The following RBPJ variants were observed in gnomAD, a reference collection of about 807,000 sequenced individuals.
RBPJ encodes recombination signal binding protein for immunoglobulin kappa J region, also known as recombining binding protein suppressor of hairless.
RBPJ carries 9 observed loss-of-function variants against 67.8 expected under a neutral mutation model. That is an observed-to-expected ratio of 0.13 (90% CI 0.08 to 0.23). RBPJ has a LOEUF of 0.23. RBPJ is among the 10% of genes least tolerant of loss of function. The pLI is 1.00. For missense variants in RBPJ, 305 were observed against 595.6 expected, an observed-to-expected ratio of 0.51 and a Z score of 5.08; for synonymous variants, 198 against 203.3, an observed-to-expected ratio of 0.97 and a Z score of 0.22.
intron 2 of RBPJ, among the ~76,000 whole-genome samples, chr4:26,404,323 T>G (rs1266448755): frequency 1.3e-5 from 2 of 152,244 alleles, no homozygotes; most frequent in Non-Finnish European, 2.9e-5. Context: ...CCTCCCATTC[T>G]GTAGGTTGTC....
chr4:26,179,484 G>A (rs1030209188), intron 1 of RBPJ, among the ~76,000 whole-genome samples: 2 of 151,726 alleles, frequency 1.3e-5, no homozygotes, highest in Non-Finnish European at 2.9e-5. Flanking sequence ...GTGAACTGTC[G>A]CAAATGAGTC....
At chr4:26,197,899 G>C (rs986564502) in intron 1 of RBPJ, among the ~76,000 whole-genome samples, 3 of 152,196 alleles carry the variant, frequency 2.0e-5, no homozygotes, top group Admixed American at 6.5e-5. Context: ...CCCATTTTCA[G>C]ACAGGTTCTG....
intron 1 of RBPJ, among the ~76,000 whole-genome samples, chr4:26,297,509 A>T (rs1400048274): frequency 2.0e-5 from 3 of 151,998 alleles, no homozygotes; most frequent in African/African-American, 4.8e-5. Flanking sequence ...TCCACGTGTT[A>T]TTGTGTTTCT....
chr4:26,213,353 A>G (rs1030847321), intron 1 of RBPJ, among the ~76,000 whole-genome samples: 2 of 152,216 alleles, frequency 1.3e-5, no homozygotes, highest in Admixed American at 1.3e-4. Flanking sequence ...GTTCATTGTT[A>G]TAATTCAAGG....
At chr4:26,118,790 A>C in the RBPJ span, among the ~76,000 whole-genome samples, 1 of 152,206 alleles carries the variant, frequency 6.6e-6, no homozygotes, top group Non-Finnish European at 1.5e-5. Context: ...CTAAACTTCC[A>C]ACTCCCAAGA....
At chr4:26,110,820 C>T in the RBPJ span, among the ~76,000 whole-genome samples, 1 of 152,166 alleles carries the variant, frequency 6.6e-6, no homozygotes, top group African/African-American at 2.4e-5. The surrounding 1 kb of genome is among the most constrained non-coding windows in gnomAD (Gnocchi z 4.5). Flanking sequence ...AGGTGCCGCT[C>T]AGCCCTGGAG....
At chr4:26,185,648 G>C (rs533168706) in intron 1 of RBPJ, among the ~76,000 whole-genome samples, 4 of 152,192 alleles carry the variant, frequency 2.6e-5, no homozygotes, top group Non-Finnish European at 5.9e-5. Context: ...GTGAAAGCCA[G>C]TGTCATTAAC....
At chr4:26,226,105 T>A (rs1391727998) in intron 1 of RBPJ, among the ~76,000 whole-genome samples, 1 of 145,626 alleles carries the variant, frequency 6.9e-6, no homozygotes, top group Non-Finnish European at 1.5e-5. Context: ...GCCAAGATCA[T>A]GCAATTGCAC....
Position 26,328,751 on chromosome 4 carries a change from C to T in RBPJ, c.20+7703C>T, listed in dbSNP as rs144744481. Among the ~76,000 whole-genome samples, 926 of 152,260 alleles carry T rather than the reference C, an allele frequency of 6.1e-3. 13 individuals are homozygous for T. The highest frequency in any genetic ancestry group is 0.021 in the African/African-American group (886 of 41,542). On this transcript the variant is annotated intron_variant, in intron 1 of 10. Coordinates refer to ENST00000355476, the MANE Select transcript of RBPJ (RefSeq NM_015874.6). ...TCAAGGGATCCTCCTGCCTCACCCT[C>T]CCCAGTTGCTAGGACTATAGGTGTG...
At chr4:26,258,729 A>G (rs917995273) in intron 1 of RBPJ, among the ~76,000 whole-genome samples, 7 of 152,210 alleles carry the variant, frequency 4.6e-5, no homozygotes, top group Middle Eastern at 3.2e-3. Flanking sequence ...ATTTAACCCT[A>G]TCGATGCAGT....
upstream of RBPJ, among the ~76,000 whole-genome samples, chr4:26,316,499 T>TCA (rs1491443418): frequency 1.0e-4 from 8 of 76,904 alleles, no homozygotes; most frequent in Non-Finnish European, 2.4e-4. Flanking sequence ...ATATATATAT[T>TCA]CATATATATT....
At chr4:26,332,722 C>T (rs547617761) in intron 1 of RBPJ, among the ~76,000 whole-genome samples, 2 of 152,290 alleles carry the variant, frequency 1.3e-5, no homozygotes, top group African/African-American at 2.4e-5. Flanking sequence ...GCCATCATAT[C>T]CCACTGAAGC....
rs1397966498 is a variant in RBPJ at position 26,264,135 on chromosome 4, A to C, written c.-166-98311A>C. On this transcript the variant is annotated intron_variant, in intron 1 of 4. Transcript: ENST00000512351. This position sits in a 1 kb window ranked among gnomAD's most constrained non-coding sequence, Gnocchi z 4.1. ...TCGACTCAGGTGATCCACCCAACTCAACCTCCCAAAGTGCTGGGATTACAG... is the reference window on the plus strand; with the variant it reads ...TCGACTCAGGTGATCCACCCAACTCCACCTCCCAAAGTGCTGGGATTACAG... Among the ~76,000 whole-genome samples the C allele has an allele frequency of 1.3e-5, 2 of 151,730 alleles. No homozygotes were observed. Among genetic ancestry groups the C allele is most frequent in the African/African-American group, 4.9e-5 (2 of 41,222 alleles).
intron 1 of RBPJ, among the ~76,000 whole-genome samples, chr4:26,369,681 G>T (rs1728965225): frequency 6.6e-6 from 1 of 152,160 alleles, no homozygotes; most frequent in Non-Finnish European, 1.5e-5. Context: ...GGGCTGACCA[G>T]ATTTGGTTTG....
chr4:26,320,049 G>C (rs1385676035), upstream of RBPJ, among the ~76,000 whole-genome samples: 3 of 152,228 alleles, frequency 2.0e-5, no homozygotes, highest in Admixed American at 6.5e-5. Context: ...CCGGTTCCCT[G>C]TGCAGTAGTG....
At chr4:26,153,919 G>A in the RBPJ span, among the ~76,000 whole-genome samples, 2 of 152,130 alleles carry the variant, frequency 1.3e-5, no homozygotes, top group Admixed American at 1.3e-4. Flanking sequence ...CTGCACTCCA[G>A]CCCCGGTGAC....
intron 1 of RBPJ, among the ~76,000 whole-genome samples, chr4:26,329,184 G>A (rs1723972201): frequency 6.6e-6 from 1 of 152,092 alleles, no homozygotes; most frequent in Non-Finnish European, 1.5e-5. Context: ...GTAGAGACGG[G>A]GTTTCTCCAT....
chr4:26,369,051 C>T (rs796804825), intron 1 of RBPJ, among the ~76,000 whole-genome samples: 55 of 152,252 alleles, frequency 3.6e-4, no homozygotes, highest in African/African-American at 1.3e-3. Context: ...ACTCCATCCC[C>T]TGGGACAGTG....
chr4:26,274,445 C>T (rs1231068791), intron 1 of RBPJ, among the ~76,000 whole-genome samples: 2 of 151,908 alleles, frequency 1.3e-5, no homozygotes, highest in Admixed American at 6.6e-5. Context: ...ATGGGCAACA[C>T]GGCAAAACCC....
Sources: allele counts gnomAD v4.1 joint callset (sites outside exome capture counted in the v4.1 genomes callset), GRCh38; gene constraint gnomAD v4.1.1; non-coding constraint Gnocchi (gnomAD v3.1); transcripts MANE v1.5; gene names NCBI Gene and HGNC (gene_info 2026-07-23, HGNC 2026-07-21).